TBC1D9B: variants seen among roughly 807,000 people sequenced by gnomAD.
TBC1D9B encodes TBC1 domain family, member 9B (with GRAM domain).
Under a neutral mutation model 121.1 loss-of-function variants are expected in TBC1D9B, and 87 were observed. The observed-to-expected ratio is 0.72, with a 90% confidence interval of 0.60 to 0.86. The LOEUF (loss-of-function observed/expected upper bound fraction) is 0.86, where lower values mean the gene tolerates loss of function less well. TBC1D9B is among the 40% of genes least tolerant of loss of function. TBC1D9B has a pLI of 0.00. For missense variants in TBC1D9B, 1,540 were observed against 1,628.6 expected, an observed-to-expected ratio of 0.95 and a Z score of 0.94; for synonymous variants, 668 against 670.1, an observed-to-expected ratio of 1.00 and a Z score of 0.05.
At position 179,884,814 on chromosome 5, in the gene TBC1D9B, G is replaced by A. The variant is rs911949539; in HGVS notation, c.1254+3289C>T. 3.3e-5 allele frequency among the ~76,000 whole-genome samples: 5 copies of A among 152,308 alleles called. No homozygotes were observed. In the East Asian group the frequency reaches 9.6e-4, roughly 29 times the overall value. ...CATTACCTAGAATAGTTCAATTCAA[G>A]TCAAAAAGGTAGAATGGTGCTTGCC... On this transcript the variant is annotated intron_variant, in intron 7 of 20. Coordinates refer to ENST00000355235, the MANE Select transcript of TBC1D9B (RefSeq NM_015043.4).
intron 9 of TBC1D9B, among the ~76,000 whole-genome samples, 193 bp downstream of exon 9, chr5:179,878,854 C>T (rs1000440728): frequency 3.3e-5 from 5 of 152,120 alleles, no homozygotes; most frequent in African/African-American, 1.2e-4. Flanking sequence ...CAGCCTCTGT[C>T]CCTCGAGATG....
rs1298726037 is a variant in TBC1D9B, at chr5:179,874,797, T to C, written c.2186+105A>G. ...AGCACCCCCGGGTCCAGCTGCAGCC[T>C]GGCACTTGGTGGGCACAGTCACTTC... On this transcript the variant is annotated intron_variant, in intron 12 of 20. Transcript: ENST00000355235. This position sits in a 1 kb window ranked among gnomAD's most constrained non-coding sequence, Gnocchi z 4.3. The C allele has an allele frequency of 1.3e-6, 2 of 1,501,194 alleles. No individual in the cohort carries two copies. The highest frequency in any genetic ancestry group is 1.8e-6 in the Non-Finnish European group (2 of 1,122,614). 93.0% of individuals were successfully genotyped at this position (1,501,194 alleles called of 1,614,324 possible).
rs1760320085 is a variant in TBC1D9B, at chr5:179,875,026, CGAT to C, written c.2059_2061del (p.Ile687del). 6.2e-7 allele frequency: 1 copy of C among 1,614,042 alleles called. No individual in the cohort carries two copies. Among genetic ancestry groups the C allele is most frequent in the Non-Finnish European group, 8.5e-7 (1 of 1,180,042 alleles). ...ATGCCCTCATAGAAAAAGCAGTCGA[CGAT>C]GACCACGGCGCTCTCGAAGGGCATG... On this transcript the variant is annotated inframe_deletion, in exon 12 of 21. Transcript: ENST00000355235. The surrounding 1 kb of genome is among the most constrained non-coding windows in gnomAD (Gnocchi z 4.5).
chr5:179,904,872 G>A lies in TBC1D9B; in HGVS notation c.119-60C>T. 7.5e-7 allele frequency: 1 copy of A among 1,332,978 alleles called. No homozygotes were observed. The highest frequency in any genetic ancestry group is 1.3e-5 in the South Asian group (1 of 75,074). The allele number at this position is 1,332,978 out of a possible 1,614,324, so 82.6% of individuals were successfully genotyped here. ...GGAGGGCCGGACTGAGGCCCCTGAA[G>A]GCTGAGTCTGGCCGGAGGCAGACAG... On this transcript the variant is annotated intron_variant, in intron 1 of 20. Transcript: ENST00000355235. The surrounding 1 kb of genome is among the most constrained non-coding windows in gnomAD (Gnocchi z 4.2).
chr5:179,869,856 G>A (rs1436082740), intron 16 of TBC1D9B, 22 bp from the exon 17 acceptor site: 1 of 1,532,572 alleles, frequency 6.5e-7, no homozygotes, highest in Non-Finnish European at 8.8e-7. Context: ...GCCAGGGAGG[G>A]CTGGGTCTGG....
chr5:179,890,020 G>A lies in TBC1D9B; in HGVS notation c.1044+1359C>T, dbSNP rs1388340249. 6.6e-6 allele frequency among the ~76,000 whole-genome samples: 1 copy of A among 152,112 alleles called. No individual in the cohort carries two copies. Among genetic ancestry groups the A allele is most frequent in the Admixed American group, 6.6e-5 (1 of 15,264 alleles). ...AGCTGGCAAGACATGCTGTAGGGAG[G>A]AGGGAGAGGTCGGAATCTAGGCCGA... On this transcript the variant is annotated intron_variant, in intron 6 of 20. Transcript: ENST00000355235. This position sits in a 1 kb window ranked among gnomAD's most constrained non-coding sequence, Gnocchi z 5.0.
rs765775842 is a variant in TBC1D9B, at chr5:179,863,934, G to A, written c.3216C>T (p.Pro1072=). Residue 1072 remains proline, a synonymous_variant, in exon 21 of 21, where the codon CCC becomes CCT. Coordinates refer to ENST00000355235, the MANE Select transcript of TBC1D9B (RefSeq NM_015043.4). The surrounding 1 kb of genome is among the most constrained non-coding windows in gnomAD (Gnocchi z 4.5). ...CCCTGGCTGCGTCCTGATGCAGTTC[G>A]GGTGCTGGTGGCTCGTCCTCCTCAG... ...CATEEDEPPA[P]ELHQDAAREL... 9 of 1,613,758 alleles carry A rather than the reference G, an allele frequency of 5.6e-6. No individual in the cohort carries two copies. Among genetic ancestry groups the A allele is most frequent in the Admixed American group, 3.3e-5 (2 of 60,000 alleles).
intron 17 of TBC1D9B, 105 bp downstream of exon 17, chr5:179,869,664 C>T (rs775843316): frequency 4.0e-6 from 5 of 1,261,452 alleles, no homozygotes; most frequent in Non-Finnish European, 5.7e-6. Flanking sequence ...TGCGACGCTG[C>T]TGTGCCCCCT....
chr5:179,866,018 C>T (rs1290837343), intron 18 of TBC1D9B, 130 bp from the exon 19 acceptor site: 2 of 1,119,554 alleles, frequency 1.8e-6, no homozygotes, highest in South Asian at 1.3e-5. Context: ...GGGAGCAGGT[C>T]TCCCATGCCA....
At chr5:179,869,735 G>A in intron 17 of TBC1D9B, 34 bp downstream of exon 17, 2 of 1,609,328 alleles carry the variant, frequency 1.2e-6, no homozygotes, top group Non-Finnish European at 1.7e-6. Context: ...ACAAGTGGGA[G>A]ACCCTGGCTG....
chr5:179,895,018 C>T (rs1265948707), intron 3 of TBC1D9B, among the ~76,000 whole-genome samples: 1 of 152,044 alleles, frequency 6.6e-6, no homozygotes, highest in Non-Finnish European at 1.5e-5. Context: ...TACTCCACCA[C>T]ACCTGGCTAA....
intron 4 of TBC1D9B, 103 bp from the exon 5 acceptor site, chr5:179,893,570 G>GAT: frequency 6.9e-7 from 1 of 1,451,952 alleles, no homozygotes; most frequent in Non-Finnish European, 9.2e-7. Context: ...TGCTCTCTGG[G>GAT]GGCAGCACTT....
intron 1 of TBC1D9B, among the ~76,000 whole-genome samples, chr5:179,906,418 G>A (rs930711244): frequency 1.3e-5 from 2 of 152,190 alleles, no homozygotes; most frequent in African/African-American, 4.8e-5. Context: ...ACCTGCACCC[G>A]CCCGTTCAAT....
Position 179,891,413 on chromosome 5 carries a change from T to C in TBC1D9B, c.1010A>G (p.Glu337Gly). ...GGGTATGATGAGGTGGCAAGCGTCCTCCTCCTTGCTGGCGAAGCAGATGTA... is the reference window on the plus strand; with the variant it reads ...GGGTATGATGAGGTGGCAAGCGTCCCCCTCCTTGCTGGCGAAGCAGATGTA... ...NNYICFASKE[E>G]DACHLIIPLR... The change falls in exon 6 of 21, where the codon GAG (glutamate) becomes GGG (glycine). Residue 337 changes from glutamate (E) to glycine (G), a missense_variant. By Grantham distance (98) the Glu-to-Gly change is moderately conservative. Transcript: ENST00000355235. This position sits in a 1 kb window ranked among gnomAD's most constrained non-coding sequence, Gnocchi z 4.3. 1 of 1,614,208 alleles carries C rather than the reference T, an allele frequency of 6.2e-7. No homozygotes were observed. Among genetic ancestry groups the C allele is most frequent in the African/African-American group, 1.3e-5 (1 of 75,048 alleles).
rs1053980928 is a variant in TBC1D9B at position 179,875,214 on chromosome 5, G to A, written c.1901-27C>T. 10 of 1,605,742 alleles carry A rather than the reference G, an allele frequency of 6.2e-6. No homozygotes were observed. In the Middle Eastern group the frequency reaches 6.7e-4, roughly 108 times the overall value. ...TGCGGGCAGGATGAGCGAGGCTGAT[G>A]GTGAGCCCACCCTGTGGCCTGGGTG... is the stretch of plus-strand genomic sequence containing the variant. On this transcript the variant is annotated intron_variant, in intron 11 of 20. Transcript: ENST00000355235. This position sits in a 1 kb window ranked among gnomAD's most constrained non-coding sequence, Gnocchi z 4.5.
At position 179,874,910 on chromosome 5, in the gene TBC1D9B, C is replaced by T. The variant is rs1760315317; in HGVS notation, c.2178G>A (p.Met726Ile). Residue 726 changes from methionine (M) to isoleucine (I), a missense_variant, in exon 12 of 21, where the codon ATG becomes ATA. Coordinates refer to ENST00000355235, the MANE Select transcript of TBC1D9B (RefSeq NM_015043.4). The surrounding 1 kb of genome is among the most constrained non-coding windows in gnomAD (Gnocchi z 4.3). ...GGAACCCGGCATGTCACCTGCCCAGCATGGTCATGGCCTCGCCCTCGTCGC... is the reference window on the plus strand; with the variant it reads ...GGAACCCGGCATGTCACCTGCCCAGTATGGTCATGGCCTCGCCCTCGTCGC... ...GCSDEGEAMT[M>I]LGRYLDNVVN... The T allele has an allele frequency of 1.2e-6, 2 of 1,613,198 alleles. No homozygotes were observed. The highest frequency in any genetic ancestry group is 2.2e-5 in the South Asian group (2 of 91,070).
rs1018886665 is a variant in TBC1D9B, at chr5:179,891,569, G to C, written c.854C>G (p.Ala285Gly). Residue 285 changes from alanine to glycine, a missense_variant, in exon 6 of 21, where the codon GCC (alanine) becomes GGC (glycine). Physicochemically the swap from Ala to Gly is moderately conservative, Grantham distance 60 (BLOSUM62 0). Coordinates refer to ENST00000355235, the MANE Select transcript of TBC1D9B (RefSeq NM_015043.4). The surrounding 1 kb of genome is among the most constrained non-coding windows in gnomAD (Gnocchi z 4.3). Reference sequence around the variant, plus strand: ...CGTGGCTCGGTAGCACTCATTCTTGGCTCGGGCGTCCAGGTCTCTGGGGAA... The same window carrying C: ...CGTGGCTCGGTAGCACTCATTCTTGCCTCGGGCGTCCAGGTCTCTGGGGAA... ...SALKRDLDAR[A>G]KNECYRATFR... is the part of the protein sequence containing the mutation. 1 of 1,613,356 alleles carries C rather than the reference G, an allele frequency of 6.2e-7. No individual in the cohort carries two copies. The highest frequency in any genetic ancestry group is 8.5e-7 in the Non-Finnish European group (1 of 1,179,936).
intron 2 of TBC1D9B, among the ~76,000 whole-genome samples, chr5:179,900,700 C>T (rs1049824741): frequency 1.4e-4 from 21 of 152,304 alleles, no homozygotes; most frequent in Non-Finnish European, 2.8e-4. Flanking sequence ...TATCCCTGAT[C>T]GATTGGCATT....
At chr5:179,867,512 A>G in intron 18 of TBC1D9B, 1 of 1,558,296 alleles carries the variant, frequency 6.4e-7, no homozygotes, top group South Asian at 1.2e-5. Flanking sequence ...GGGACAGCAG[A>G]GGAGAGGCAG....
Sources: gnomAD v4.1 joint callset for allele counts (sites outside exome capture counted in the v4.1 genomes callset) on GRCh38, gnomAD v4.1.1 for gene constraint, Gnocchi (gnomAD v3.1) non-coding constraint, MANE v1.5 for transcripts, NCBI Gene and HGNC (gene_info 2026-07-23, HGNC 2026-07-21) for gene names.